CDH4: variants seen among roughly 807,000 people sequenced by gnomAD.
CDH4 encodes the protein cadherin-4.
CDH4 carries 33 observed loss-of-function variants against 86.0 expected under a neutral mutation model. The ratio of observed to expected loss-of-function variants is 0.38; its 90% CI spans 0.29 to 0.51. The LOEUF (loss-of-function observed/expected upper bound fraction) is 0.51, where lower values mean the gene tolerates loss of function less well. Ranked by LOEUF, CDH4 falls within the 20% of genes least tolerant of loss-of-function variation. The probability of loss-of-function intolerance (pLI) is 0.86; values close to 1 mark genes in which losing one functional copy is unlikely to be tolerated. For synonymous variants in CDH4, 555 were observed against 549.4 expected (o/e 1.01, Z -0.14); for missense variants, 1,114 against 1,307.4 (o/e 0.85, Z 2.28).
At chr20:61,734,730 G>A (rs6121790) in intron 2 of CDH4, among the ~76,000 whole-genome samples, 32,388 of 151,780 alleles carry the variant, frequency 0.21, 3,754 homozygotes, top group East Asian at 0.44. Flanking sequence ...GCTTGGGGCC[G>A]TGGGGAGCTC....
At chr20:61,862,265 C>T (rs1276287717) in intron 6 of CDH4, among the ~76,000 whole-genome samples, 1 of 152,192 alleles carries the variant, frequency 6.6e-6, no homozygotes, top group Non-Finnish European at 1.5e-5. Flanking sequence ...GACCCCATCT[C>T]CTCCTTCACC....
At chr20:61,395,871 T>A (rs926057313) in intron 2 of CDH4, among the ~76,000 whole-genome samples, 2 of 152,232 alleles carry the variant, frequency 1.3e-5, no homozygotes, top group African/African-American at 4.8e-5. Flanking sequence ...CGAAAACTCT[T>A]AGGGGAGTGT....
At chr20:61,660,546 G>C (rs1266681562) in intron 2 of CDH4, among the ~76,000 whole-genome samples, 6 of 152,310 alleles carry the variant, frequency 3.9e-5, no homozygotes, top group Non-Finnish European at 8.8e-5. Flanking sequence ...TTACATGTGG[G>C]TGCGCCTGAC....
chr20:61,457,503 G>T (rs2085414151), intron 2 of CDH4, among the ~76,000 whole-genome samples: 1 of 152,190 alleles, frequency 6.6e-6, no homozygotes, highest in African/African-American at 2.4e-5. Flanking sequence ...TAGTGATGGG[G>T]GACAGGTGAC....
At chr20:61,662,208 G>A (rs1290772102) in intron 2 of CDH4, among the ~76,000 whole-genome samples, 1 of 152,150 alleles carries the variant, frequency 6.6e-6, no homozygotes, top group Non-Finnish European at 1.5e-5. Flanking sequence ...TTTGAGGGAA[G>A]TTGTAAAGAC....
intron 2 of CDH4, among the ~76,000 whole-genome samples, chr20:61,704,027 G>T (rs1365838811): frequency 6.6e-6 from 1 of 151,882 alleles, no homozygotes; most frequent in East Asian, 2.0e-4. Flanking sequence ...TGGGTCCCTG[G>T]CTCGAGCCAG....
intron 2 of CDH4, among the ~76,000 whole-genome samples, chr20:61,650,697 T>C (rs1363477125): frequency 1.3e-5 from 2 of 152,224 alleles, no homozygotes. Flanking sequence ...TGAGTTTATA[T>C]TGTATTTTAA....
chr20:61,316,461 G>A (rs1042616451), intron 2 of CDH4, among the ~76,000 whole-genome samples: 5 of 152,190 alleles, frequency 3.3e-5, no homozygotes, highest in African/African-American at 1.2e-4. Flanking sequence ...CAACAGAGAC[G>A]GAACAAACCT....
At chr20:61,622,222 G>T (rs1351225572) in intron 2 of CDH4, among the ~76,000 whole-genome samples, 2 of 152,354 alleles carry the variant, frequency 1.3e-5, no homozygotes, top group Admixed American at 6.5e-5. Context: ...AGGTGCCACC[G>T]CCTCCTCCCC....
chr20:61,389,284 G>T (rs1349312857), intron 2 of CDH4, among the ~76,000 whole-genome samples: 1 of 152,204 alleles, frequency 6.6e-6, no homozygotes, highest in African/African-American at 2.4e-5. Context: ...CCATGTGGCG[G>T]CCTGTCTCAG....
chr20:61,721,280 C>T (rs1485392802), intron 2 of CDH4, among the ~76,000 whole-genome samples: 1 of 152,202 alleles, frequency 6.6e-6, no homozygotes, highest in Non-Finnish European at 1.5e-5. Flanking sequence ...TTCTAATGTG[C>T]ATTCAGCAGA....
At position 61,517,757 on chromosome 20, in the gene CDH4, A is replaced by C. The variant is rs888291029; in HGVS notation, c.170-225806A>C. Among the ~76,000 whole-genome samples, 1 of 152,204 alleles carries C rather than the reference A, an allele frequency of 6.6e-6. No homozygotes were observed. The highest frequency in any genetic ancestry group is 2.1e-4 in the South Asian group (1 of 4,826). On this transcript the variant is annotated intron_variant, in intron 2 of 15. Coordinates refer to ENST00000614565, the MANE Select transcript of CDH4 (RefSeq NM_001794.5). This position sits in a 1 kb window ranked among gnomAD's most constrained non-coding sequence, Gnocchi z 6.6. ...GGTCACCATTCGTCTTATTCTTGTC[A>C]GCTATTATATGTCTGATTTTATGGT...
intron 3 of CDH4, among the ~76,000 whole-genome samples, chr20:61,761,467 G>A (rs927433469): frequency 1.3e-5 from 2 of 152,186 alleles, no homozygotes; most frequent in African/African-American, 4.8e-5. Context: ...TAGTCTTGGA[G>A]CACTAGACTC....
At chr20:61,717,028 T>G (rs1391065651) in intron 2 of CDH4, among the ~76,000 whole-genome samples, 1 of 152,224 alleles carries the variant, frequency 6.6e-6, no homozygotes, top group African/African-American at 2.4e-5. Context: ...TGCACCCTCG[T>G]CATGGCCCAC....
chr20:61,856,879 G>T (rs1186036049), intron 6 of CDH4, among the ~76,000 whole-genome samples: 2 of 152,246 alleles, frequency 1.3e-5, no homozygotes, highest in Non-Finnish European at 2.9e-5. Flanking sequence ...TGCAGGCAGG[G>T]CTGGCAGTGC....
At chr20:61,326,671 G>A (rs931143839) in intron 2 of CDH4, among the ~76,000 whole-genome samples, 3 of 152,198 alleles carry the variant, frequency 2.0e-5, no homozygotes, top group African/African-American at 4.8e-5. Flanking sequence ...TGTGGGGTTT[G>A]CAAATGTGCT....
intron 2 of CDH4, among the ~76,000 whole-genome samples, chr20:61,723,285 G>A (rs370538762): frequency 1.1e-3 from 161 of 152,316 alleles, no homozygotes; most frequent in African/African-American, 3.6e-3. Flanking sequence ...CTCACTGGGT[G>A]AGGAGCCCCT....
rs1026970618 is a variant in CDH4, at chr20:61,822,487, G to A, written c.577-22181G>A. Among the ~76,000 whole-genome samples the A allele has an allele frequency of 2.6e-5, 4 of 152,284 alleles. No homozygotes were observed. In the South Asian group the frequency reaches 6.2e-4, roughly 24 times the overall value. Reference sequence around the variant, plus strand: ...GGTGTCTGAGGCAGAGAGCCGCAGCGAAGGTGTGGTTCGGCGACCTCGCTA... The same window carrying A: ...GGTGTCTGAGGCAGAGAGCCGCAGCAAAGGTGTGGTTCGGCGACCTCGCTA... On this transcript the variant is annotated intron_variant, in intron 4 of 15. Coordinates refer to ENST00000614565, the MANE Select transcript of CDH4 (RefSeq NM_001794.5).
intron 2 of CDH4, among the ~76,000 whole-genome samples, chr20:61,384,028 A>G (rs538715704): frequency 6.6e-6 from 1 of 152,032 alleles, no homozygotes; most frequent in Non-Finnish European, 1.5e-5. Flanking sequence ...GGAAGCATTC[A>G]GCACGGGAGA....
Sources: allele counts gnomAD v4.1 joint callset (sites outside exome capture counted in the v4.1 genomes callset), GRCh38; gene constraint gnomAD v4.1.1; non-coding constraint Gnocchi (gnomAD v3.1); transcripts MANE v1.5; gene names NCBI Gene and HGNC (gene_info 2026-07-23, HGNC 2026-07-21).